WDR45B: variants seen among roughly 807,000 people sequenced by gnomAD.
WDR45B encodes the protein WD repeat domain 45B.
Under a neutral mutation model 44.6 loss-of-function variants are expected in WDR45B, and 20 were observed. The ratio of observed to expected loss-of-function variants is 0.45; its 90% CI spans 0.32 to 0.65. WDR45B has a LOEUF of 0.65. Ranked by LOEUF, WDR45B falls within the 30% of genes least tolerant of loss-of-function variation. WDR45B has a pLI of 0.05. For synonymous variants in WDR45B, 169 were observed against 164.9 expected, an observed-to-expected ratio of 1.02 and a Z score of -0.19; for missense variants, 323 against 430.2, an observed-to-expected ratio of 0.75 and a Z score of 2.20.
At position 82,615,744 on chromosome 17, in the gene WDR45B, CT is replaced by C. The variant is rs1401532712; in HGVS notation, c.*174del. Reference sequence around the variant, plus strand: ...TACGGTGCCTTGATGATGATTCTCTCTTTAATACTGGAAATGGGAGTCCTTA... The same window carrying C: ...TACGGTGCCTTGATGATGATTCTCTCTTAATACTGGAAATGGGAGTCCTTA... On this transcript the variant is annotated 3_prime_UTR_variant, in exon 10 of 10. Transcript: ENST00000392325. 3 of 656,100 alleles carry C rather than the reference CT, an allele frequency of 4.6e-6. No individual in the cohort carries two copies. The highest frequency in any genetic ancestry group is 3.6e-5 in the African/African-American group (2 of 55,302). The allele number at this position is 656,100 out of a possible 1,614,324, so 40.6% of individuals were successfully genotyped here. A position where few individuals can be genotyped will look rare whatever the true frequency, so the allele number is the denominator to read the frequency against.
chr17:82,644,539 CAG>C (rs1491542779), intron 1 of WDR45B: 1 of 189,814 alleles, frequency 5.3e-6, no homozygotes, highest in Admixed American at 5.3e-5. Flanking sequence ...AAAATCCTGT[CAG>C]AGTCTCAATG....
At chr17:82,643,623 G>T (rs896669792) in intron 2 of WDR45B, among the ~76,000 whole-genome samples, 2 of 152,110 alleles carry the variant, frequency 1.3e-5, no homozygotes, top group African/African-American at 4.8e-5. Flanking sequence ...ACATCCCAGG[G>T]TTACAGGTAA....
At chr17:82,634,222 G>A in intron 2 of WDR45B, among the ~76,000 whole-genome samples, 1 of 148,586 alleles carries the variant, frequency 6.7e-6, no homozygotes, top group Non-Finnish European at 1.5e-5. Context: ...AGATGCAGTG[G>A]CTCATACCCA....
intron 2 of WDR45B, among the ~76,000 whole-genome samples, chr17:82,634,600 G>A (rs1408121473): frequency 1.3e-5 from 2 of 151,954 alleles, no homozygotes; most frequent in African/African-American, 4.8e-5. Context: ...GCACACCCAC[G>A]CTTGTAGCAG....
At chr17:82,620,500 G>A (rs549393133) in intron 6 of WDR45B, among the ~76,000 whole-genome samples, 1 of 152,332 alleles carries the variant, frequency 6.6e-6, no homozygotes, top group South Asian at 2.1e-4. Flanking sequence ...CTGAGTCCCA[G>A]GAGTGAGCGG....
At position 82,630,998 on chromosome 17, in the gene WDR45B, T is replaced by C. The variant is rs1489090257; in HGVS notation, c.167A>G (p.His56Arg). ...KQEFLEGGVG[H>R]VEMLFRCNYL... ...GTTGCAGCGAAATAACATTTCAACA[T>C]GGCCAACTCCTCCTTCTAGAAATTC... The change falls in exon 3 of 10, where the codon CAT (histidine) becomes CGT (arginine). Residue 56 changes from histidine (H) to arginine (R), a missense_variant. Transcript: ENST00000392325. The C allele has an allele frequency of 1.2e-6, 2 of 1,613,998 alleles. No homozygotes were observed. The highest frequency in any genetic ancestry group is 1.7e-6 in the Non-Finnish European group (2 of 1,180,020).
rs1325932001 is a variant in WDR45B at position 82,646,462 on chromosome 17, G to A, written c.67+1812C>T. ...AGAACGCGCCATTGCACTCCAGCCT[G>A]GGCAACAAGAGCGAAAACTCCGTCT... is the stretch of plus-strand genomic sequence containing the variant. On this transcript the variant is annotated intron_variant, in intron 1 of 9. Coordinates refer to ENST00000392325, the MANE Select transcript of WDR45B (RefSeq NM_019613.4). Among the ~76,000 whole-genome samples, 4 of 110,846 alleles carry A rather than the reference G, an allele frequency of 3.6e-5. No homozygotes were observed. The Admixed American group carries it at 3.7e-4, about 10-fold the overall frequency. The allele number at this position is 110,846 out of a possible 152,430, so 72.7% of individuals were successfully genotyped here.
chr17:82,627,905 G>T (rs965655594), intron 3 of WDR45B, among the ~76,000 whole-genome samples: 4 of 152,246 alleles, frequency 2.6e-5, no homozygotes, highest in Admixed American at 1.3e-4. Flanking sequence ...AGGAAGGGAG[G>T]TTTCAGTTTT....
At chr17:82,624,585 T>C (rs1021869422) in intron 5 of WDR45B, among the ~76,000 whole-genome samples, 5 of 144,628 alleles carry the variant, frequency 3.5e-5, no homozygotes, top group Admixed American at 2.8e-4. Context: ...ACTGTGACGG[T>C]GGCTACACAA....
intron 6 of WDR45B, 49 bp downstream of exon 6, chr17:82,621,560 C>G (rs986348680): frequency 1.2e-6 from 2 of 1,612,314 alleles, no homozygotes; most frequent in South Asian, 1.1e-5. Context: ...TTTTGCTGAG[C>G]CTGCTGCTCC....
At chr17:82,632,008 G>A (rs2045774328) in intron 2 of WDR45B, among the ~76,000 whole-genome samples, 1 of 150,776 alleles carries the variant, frequency 6.6e-6, no homozygotes, top group South Asian at 2.1e-4. Context: ...TTGAACCCCG[G>A]AGGCTGAGGC....
intron 7 of WDR45B, 98 bp from the exon 8 acceptor site, chr17:82,617,495 A>G (rs1411689328): frequency 2.5e-6 from 3 of 1,215,526 alleles, no homozygotes; most frequent in African/African-American, 1.5e-5. Flanking sequence ...ACACCTCAAC[A>G]TTCCCACTCT....
In WDR45B at chr17:82,625,382, C is replaced by T; in HGVS notation, c.427+7G>A. On this transcript the variant is annotated splice_region_variant and intron_variant, in intron 5 of 9. Transcript: ENST00000392325. ...TCCCATCGCCACCCGTCTGCTCAAT[C>T]TCTCACCTTTGGGGTTATAGCAGGT... 1.2e-6 allele frequency: 2 copies of T among 1,613,976 alleles called. No homozygotes were observed. Among genetic ancestry groups the T allele is most frequent in the Non-Finnish European group, 1.7e-6 (2 of 1,179,858 alleles).
rs1266577834 is a variant in WDR45B at position 82,635,001 on chromosome 17, G to A, written c.143-3979C>T. On this transcript the variant is annotated intron_variant, in intron 2 of 9. Transcript: ENST00000392325. ...GTTCATGGAGACAGAAAAGTAGCAC[G>A]GTGGTTACTAGGAGACAGGGGAGGC... Among the ~76,000 whole-genome samples the A allele has an allele frequency of 5.9e-5, 9 of 152,070 alleles. No individual in the cohort carries two copies. The South Asian group carries it at 1.0e-3, about 18-fold the overall frequency.
intron 2 of WDR45B, among the ~76,000 whole-genome samples, chr17:82,635,412 A>G (rs75754845): frequency 0.072 from 10,778 of 149,940 alleles, 1,430 homozygotes; most frequent in African/African-American, 0.25. Context: ...TGATTATATC[A>G]TAAGTCTTTT....
At chr17:82,621,947 T>G in intron 5 of WDR45B, 148 bp from the exon 6 acceptor site, 1 of 1,020,982 alleles carries the variant, frequency 9.8e-7, no homozygotes, top group East Asian at 2.6e-5. Context: ...GATTTTTCAT[T>G]GTAAATAAAG....
rs1325620124 is a variant in WDR45B, at chr17:82,621,682, G to C, written c.545C>G (p.Pro182Arg). The change falls in exon 6 of 10, where the codon CCT (proline) becomes CGT (arginine). Residue 182 changes from proline (P) to arginine (R), a missense_variant. Transcript: ENST00000392325. ...GCAGCTCAGGACACCCTCGTGTGCA[G>C]GAATGTCCACGGGTGGCTTCTCCGT... ...ASTEKPPVDI[P>R]AHEGVLSCIA... 4 of 1,614,220 alleles carry C rather than the reference G, an allele frequency of 2.5e-6. No homozygotes were observed. The South Asian group carries it at 4.4e-5, about 18-fold the overall frequency.
At chr17:82,640,484 G>A (rs977428164) in intron 2 of WDR45B, among the ~76,000 whole-genome samples, 1 of 151,806 alleles carries the variant, frequency 6.6e-6, no homozygotes, top group Non-Finnish European at 1.5e-5. Context: ...CCGAGTAGCT[G>A]GGATTAAAGG....
chr17:82,643,450 A>G (rs960744316), intron 2 of WDR45B, among the ~76,000 whole-genome samples: 3 of 151,568 alleles, frequency 2.0e-5, no homozygotes, highest in African/African-American at 7.3e-5. Flanking sequence ...GGAAAAAAAA[A>G]AAATAGAGGC....
Sources: gnomAD v4.1 joint callset for allele counts (sites outside exome capture counted in the v4.1 genomes callset) on GRCh38, gnomAD v4.1.1 for gene constraint, MANE v1.5 for transcripts, NCBI Gene and HGNC (gene_info 2026-07-23, HGNC 2026-07-21) for gene names.